The following VPS37C variants were observed in gnomAD, a reference collection of about 807,000 sequenced individuals.
VPS37C encodes VPS37C subunit of ESCRT-I, also known as vacuolar protein sorting-associated protein 37C.
A neutral mutation model predicts 16.1 loss-of-function variants in VPS37C; 9 were observed. That is an observed-to-expected ratio of 0.56 (90% CI 0.34 to 0.97). The LOEUF (loss-of-function observed/expected upper bound fraction) is 0.97, where lower values mean the gene tolerates loss of function less well. Ranked by LOEUF, VPS37C falls within the 50% of genes least tolerant of loss-of-function variation. The probability of loss-of-function intolerance (pLI) is 0.02; values close to 1 mark genes in which losing one functional copy is unlikely to be tolerated. For missense variants in VPS37C, 479 were observed against 472.7 expected (o/e 1.01, Z -0.12); for synonymous variants, 207 against 206.4 (o/e 1.00, Z -0.02).
Position 61,131,968 on chromosome 11 carries a change from C to A in VPS37C, c.920G>T (p.Gly307Val). 1 of 1,311,148 alleles carries A rather than the reference C, an allele frequency of 7.6e-7. No individual in the cohort carries two copies. The highest frequency in any genetic ancestry group is 9.8e-7 in the Non-Finnish European group (1 of 1,023,498). 81.2% of individuals were successfully genotyped at this position (1,311,148 alleles called of 1,614,324 possible). ...PQQSPYPATGGKPPYPIQPQL... is the reference protein window; with the variant it reads ...PQQSPYPATGVKPPYPIQPQL... ...AGGCTGTATTGGGTAGGGAGGTTTT[C>A]CTCCTGTTGCGGGGTATGGGGACTG... Residue 307 changes from glycine (G) to valine (V), a missense_variant, in exon 5 of 5, where the codon GGA becomes GTA. Physicochemically the swap from Gly to Val is moderately radical, Grantham distance 109. Coordinates refer to ENST00000301765, the MANE Select transcript of VPS37C (RefSeq NM_017966.5).
In VPS37C at chr11:61,131,759, T is replaced by C. The variant is rs1861263651; in HGVS notation, c.*61A>G. The C allele has an allele frequency of 4.9e-6, 6 of 1,236,240 alleles. No homozygotes were observed. The South Asian group carries it at 2.1e-4, about 42-fold the overall frequency. The allele number at this position is 1,236,240 out of a possible 1,614,324, so 76.6% of individuals were successfully genotyped here. ...CCAGTTGACCCTCGAATCTCGGCGA[T>C]GGCTGGGCCAAAGGTTGAGCGTGGG... On this transcript the variant is annotated 3_prime_UTR_variant, in exon 5 of 5. Coordinates refer to ENST00000301765, the MANE Select transcript of VPS37C (RefSeq NM_017966.5).
intron 1 of VPS37C, among the ~76,000 whole-genome samples, chr11:61,148,100 C>A (rs1006178466): frequency 2.6e-5 from 4 of 152,148 alleles, no homozygotes; most frequent in African/African-American, 9.7e-5. Context: ...CACCTCCTGG[C>A]GTTACTCCTG....
intron 1 of VPS37C, among the ~76,000 whole-genome samples, chr11:61,146,632 A>G (rs1366719032): frequency 2.0e-5 from 3 of 152,192 alleles, no homozygotes; most frequent in African/African-American, 7.2e-5. Flanking sequence ...TCACAGGTAC[A>G]GCAGAAAACA....
chr11:61,138,276 G>C (rs668323), intron 2 of VPS37C: 118,595 of 159,910 alleles, frequency 0.74, 45,606 homozygotes, highest in East Asian at 1. Context: ...TCCTCAAGGA[G>C]TCTGTGATTA....
At chr11:61,148,743 TA>T (rs1180866460) in intron 1 of VPS37C, among the ~76,000 whole-genome samples, 3 of 152,222 alleles carry the variant, frequency 2.0e-5, no homozygotes, top group Non-Finnish European at 4.4e-5. Flanking sequence ...TTTTTTCTTT[TA>T]AGAGATGAAG....
chr11:61,146,033 T>C (rs1853202331), intron 1 of VPS37C, among the ~76,000 whole-genome samples: 1 of 152,236 alleles, frequency 6.6e-6, no homozygotes, highest in Non-Finnish European at 1.5e-5. Flanking sequence ...GTCTCACTCA[T>C]CTTCGTCAAC....
intron 1 of VPS37C, among the ~76,000 whole-genome samples, chr11:61,146,810 T>G (rs764378076): frequency 8.5e-5 from 13 of 152,146 alleles, no homozygotes; most frequent in Non-Finnish European, 8.8e-5. Flanking sequence ...TTTTGTTTTT[T>G]CCTTTTGCTT....
chr11:61,139,926 A>G (rs1861446523), intron 1 of VPS37C, among the ~76,000 whole-genome samples: 1 of 152,024 alleles, frequency 6.6e-6, no homozygotes, highest in African/African-American at 2.4e-5. Context: ...AATTTTTTGT[A>G]GAGACAGGGT....
Position 61,131,355 on chromosome 11 carries a change from T to G in VPS37C, c.*465A>C, listed in dbSNP as rs1481023165. 6.3e-6 allele frequency: 1 copy of G among 158,162 alleles called. No individual in the cohort carries two copies. Among genetic ancestry groups the G allele is most frequent in the African/African-American group, 2.4e-5 (1 of 41,646 alleles). The allele number at this position is 158,162 out of a possible 1,614,324, so 9.8% of individuals were successfully genotyped here. On this transcript the variant is annotated 3_prime_UTR_variant, in exon 5 of 5. Coordinates refer to ENST00000301765, the MANE Select transcript of VPS37C (RefSeq NM_017966.5). ...ATGGGCAGGCTAGCCTTGAATGGAC[T>G]GGACAGACACCAACAGCTGCATCCC...
intron 1 of VPS37C, among the ~76,000 whole-genome samples, chr11:61,152,530 G>A (rs911617911): frequency 1.1e-4 from 16 of 152,084 alleles, no homozygotes; most frequent in Admixed American, 3.3e-4. Flanking sequence ...GTAACCTCGA[G>A]AGAACACTAT....
intron 1 of VPS37C, among the ~76,000 whole-genome samples, chr11:61,155,647 A>G (rs1418177471): frequency 2.0e-5 from 3 of 152,202 alleles, no homozygotes; most frequent in Non-Finnish European, 4.4e-5. Context: ...TCCAAAAACA[A>G]AGCCAAAATA....
chr11:61,143,860 A>G (rs1229352250), intron 1 of VPS37C: 5 of 151,672 alleles, frequency 3.3e-5, no homozygotes, highest in African/African-American at 1.2e-4. Context: ...GAGTTTCTCC[A>G]TGTTGGTCAG....
intron 1 of VPS37C, among the ~76,000 whole-genome samples, chr11:61,155,790 A>C (rs1853367392): frequency 6.6e-6 from 1 of 152,242 alleles, no homozygotes. Context: ...ACATGAAGGA[A>C]TAAAGAGCAC....
At chr11:61,156,242 C>G (rs1352947568) in intron 1 of VPS37C, among the ~76,000 whole-genome samples, 1 of 152,168 alleles carries the variant, frequency 6.6e-6, no homozygotes, top group Non-Finnish European at 1.5e-5. Context: ...CACATTAAAT[C>G]TAAATAGTCT....
intron 2 of VPS37C, 65 bp from the exon 3 acceptor site, chr11:61,134,272 G>T: frequency 6.5e-7 from 1 of 1,546,438 alleles, no homozygotes. Flanking sequence ...TGGCAGCCTG[G>T]GTCAGGGGCT....
At chr11:61,139,177 G>A (rs1190746258) in intron 1 of VPS37C, among the ~76,000 whole-genome samples, 1 of 152,230 alleles carries the variant, frequency 6.6e-6, no homozygotes, top group Admixed American at 6.5e-5. Context: ...AGGCAGCAGG[G>A]ATGGAGACTA....
chr11:61,161,060 T>C (rs1033109065), intron 1 of VPS37C: 4 of 152,310 alleles, frequency 2.6e-5, no homozygotes, highest in African/African-American at 9.6e-5. Context: ...GTCATCAGAA[T>C]TGTGACCGCA....
Position 61,152,360 on chromosome 11 carries a change from A to G in VPS37C, c.-7+9031T>C, listed in dbSNP as rs377259841. On this transcript the variant is annotated intron_variant, in intron 1 of 4. Coordinates refer to ENST00000301765, the MANE Select transcript of VPS37C (RefSeq NM_017966.5). ...ACCAAGCCAGGGCCTTCTCAAATCA[A>G]TTCTTGACTCAGGCAGGAATCCACG... 2.4e-4 allele frequency among the ~76,000 whole-genome samples: 36 copies of G among 152,226 alleles called. 1 individual carries two copies. In the South Asian group the frequency reaches 7.1e-3, roughly 30 times the overall value.
At position 61,132,400 on chromosome 11, in the gene VPS37C, G is replaced by A; in HGVS notation, c.488C>T (p.Ser163Phe). 6.2e-7 allele frequency: 1 copy of A among 1,606,792 alleles called. No individual in the cohort carries two copies. The highest frequency in any genetic ancestry group is 8.5e-7 in the Non-Finnish European group (1 of 1,176,636). Residue 163 changes from serine to phenylalanine, a missense_variant, in exon 5 of 5, where the codon TCC becomes TTC. Coordinates refer to ENST00000301765, the MANE Select transcript of VPS37C (RefSeq NM_017966.5). ...LQEVVRKPRA[S>F]QELAGDAPPP... ...AGGGGCATCGCCGGCCAGCTCCTGG[G>A]AAGCCCTGGGCTTCCTCACCACTTC...
Sources: allele counts gnomAD v4.1 joint callset (sites outside exome capture counted in the v4.1 genomes callset), GRCh38; gene constraint gnomAD v4.1.1; transcripts MANE v1.5; gene names NCBI Gene and HGNC (gene_info 2026-07-23, HGNC 2026-07-21).